EPHX2: variants seen among roughly 807,000 people sequenced by gnomAD.
The protein encoded by EPHX2 is bifunctional epoxide hydrolase 2.
EPHX2 carries 74 observed loss-of-function variants against 78.7 expected under a neutral mutation model. The observed-to-expected ratio is 0.94, with a 90% CI of 0.78 to 1.14. EPHX2 has a LOEUF of 1.14. EPHX2 is among the 50% of genes most tolerant of loss of function. The pLI is 0.00. For synonymous variants in EPHX2, 251 were observed against 255.2 expected (o/e 0.98, Z 0.16); for missense variants, 715 against 702.5 (o/e 1.02, Z -0.20).
intron 1 of EPHX2, among the ~76,000 whole-genome samples, chr8:27,500,659 A>C (rs548099978): frequency 6.6e-6 from 1 of 152,306 alleles, no homozygotes; most frequent in African/African-American, 2.4e-5. Context: ...TAAAGTAGGA[A>C]GCGCCTCTGG....
In EPHX2 at chr8:27,503,663, C is replaced by T. The variant is rs1261501646; in HGVS notation, c.246C>T (p.Leu82=). The part of the protein sequence containing the change: ...RKCSETAKVC[L]PKNFSIKEIF... The stretch of plus-strand genomic sequence containing the variant: ...GCTCCGAGACCGCTAAAGTCTGCCT[C>T]CCCAAGAATTTCTCCATAAAAGAAA... The change falls in exon 3 of 19, where the codon CTC becomes CTT. Residue 82 remains leucine, a synonymous_variant. Coordinates refer to ENST00000521400, the MANE Select transcript of EPHX2 (RefSeq NM_001979.6). The T allele has an allele frequency of 2.5e-6, 4 of 1,613,870 alleles. No individual in the cohort carries two copies. The highest frequency in any genetic ancestry group is 1.3e-5 in the African/African-American group (1 of 74,890).
At chr8:27,498,107 A>T (rs184836593) in intron 1 of EPHX2, among the ~76,000 whole-genome samples, 11 of 152,350 alleles carry the variant, frequency 7.2e-5, no homozygotes, top group Non-Finnish European at 1.5e-4. Flanking sequence ...CCTGTAGGAC[A>T]TCTATATACC....
chr8:27,520,897 C>T lies in EPHX2; in HGVS notation c.960C>T (p.Phe320=). 1 of 1,614,158 alleles carries T rather than the reference C, an allele frequency of 6.2e-7. No individual in the cohort carries two copies. The highest frequency in any genetic ancestry group is 1.3e-5 in the African/African-American group (1 of 75,028). ...TTCTTCCTTAGGAGATGGTAACCTT[C>T]CTGGATAAACTGGTAAGTCATTATT... ...MEVLCKEMVT[F]LDKLGLSQAV... The change falls in exon 10 of 19, where the codon TTC becomes TTT. Residue 320 remains phenylalanine, a synonymous_variant. Coordinates refer to ENST00000521400, the MANE Select transcript of EPHX2 (RefSeq NM_001979.6).
rs146337543 is a variant in EPHX2, at chr8:27,505,068, G to T, written c.459G>T (p.Ser153=). Residue 153 remains serine (S), a synonymous_variant, in exon 4 of 19, where the codon TCG becomes TCT. Coordinates refer to ENST00000521400, the MANE Select transcript of EPHX2 (RefSeq NM_001979.6). The part of the protein sequence containing the change: ...LKMHFDFLIE[S]CQVGMVKPEP... The stretch of plus-strand genomic sequence containing the variant: ...TGCACTTTGACTTCCTGATAGAGTC[G>T]TGTCAGGTGGGAATGGTCAAACCTG... 22 of 1,614,176 alleles carry T rather than the reference G, an allele frequency of 1.4e-5. No homozygotes were observed. The African/African-American group carries it at 2.8e-4, about 21-fold the overall frequency.
In EPHX2 at chr8:27,523,036, G is replaced by T. The variant is rs72475891; in HGVS notation, c.1058+528G>T. On this transcript the variant is annotated intron_variant, in intron 11 of 18. Transcript: ENST00000521400. Reference sequence around the variant, plus strand: ...GGAAGCGGCACCTGTTCCACTTACAGGCAATGGGACAAATAATTCAGGGCC... The same window carrying T: ...GGAAGCGGCACCTGTTCCACTTACATGCAATGGGACAAATAATTCAGGGCC... Among the ~76,000 whole-genome samples, 15 of 151,532 alleles carry T rather than the reference G, an allele frequency of 9.9e-5. No homozygotes were observed. The East Asian group carries it at 2.9e-3, about 29-fold the overall frequency.
chr8:27,524,112 TA>T (rs1408304981), intron 11 of EPHX2, among the ~76,000 whole-genome samples: 1 of 152,116 alleles, frequency 6.6e-6, no homozygotes. Flanking sequence ...TTTGTATTTT[TA>T]GTAGAGATGA....
rs919542858 is a variant in EPHX2 at position 27,500,956 on chromosome 8, G to T, written c.132G>T (p.Gly44=). ...RGLLNDAFQK[G]GPEGATTRLM... Reference sequence around the variant, plus strand: ...TTCTGAATGATGCTTTCCAGAAAGGGGGACCAGAGGGTGCCACTACCCGGC... The same window carrying T: ...TTCTGAATGATGCTTTCCAGAAAGGTGGACCAGAGGGTGCCACTACCCGGC... The change falls in exon 2 of 19, where the codon GGG becomes GGT. Residue 44 remains glycine, a synonymous_variant. Coordinates refer to ENST00000521400, the MANE Select transcript of EPHX2 (RefSeq NM_001979.6). The T allele has an allele frequency of 1.9e-6, 3 of 1,613,406 alleles. No individual in the cohort carries two copies. The highest frequency in any genetic ancestry group is 2.5e-6 in the Non-Finnish European group (3 of 1,179,702).
intron 3 of EPHX2, among the ~76,000 whole-genome samples, chr8:27,504,536 A>G (rs924429501): frequency 3.9e-5 from 6 of 152,212 alleles, no homozygotes; most frequent in African/African-American, 1.4e-4. Flanking sequence ...ATGGACTAGA[A>G]AGAATGCTGG....
intron 14 of EPHX2, chr8:27,539,362 A>G (rs1448677590): frequency 6.6e-6 from 1 of 152,202 alleles, no homozygotes; most frequent in Admixed American, 6.5e-5. Flanking sequence ...CCCTTTAGAT[A>G]AAATATTTGT....
intron 1 of EPHX2, 92 bp from the exon 2 acceptor site, chr8:27,500,834 G>A: frequency 8.5e-7 from 1 of 1,170,272 alleles, no homozygotes; most frequent in East Asian, 2.4e-5. Context: ...CTTTCTAGTG[G>A]CTGCTTCTCA....
chr8:27,506,344 T>C (rs1454697800), intron 4 of EPHX2, among the ~76,000 whole-genome samples: 1 of 152,326 alleles, frequency 6.6e-6, no homozygotes, highest in East Asian at 1.9e-4. Context: ...GGGTAAGATA[T>C]AAAGTAAGGA....
rs1349257460 is a variant in EPHX2 at position 27,544,828 on chromosome 8, A to G, written c.*306A>G. 1.7e-5 allele frequency: 6 copies of G among 362,616 alleles called. No individual in the cohort carries two copies. Among genetic ancestry groups the G allele is most frequent in the Non-Finnish European group, 3.0e-5 (6 of 200,512 alleles). 22.5% of individuals were successfully genotyped at this position (362,616 alleles called of 1,614,324 possible). On this transcript the variant is annotated 3_prime_UTR_variant, in exon 19 of 19. Coordinates refer to ENST00000521400, the MANE Select transcript of EPHX2 (RefSeq NM_001979.6). ...GCCAGGTGGTGATTTCTCTTTGACCAATGCATAGTTTGGCAGAAAAATCAG... is the reference window on the plus strand; with the variant it reads ...GCCAGGTGGTGATTTCTCTTTGACCGATGCATAGTTTGGCAGAAAAATCAG...
intron 1 of EPHX2, among the ~76,000 whole-genome samples, chr8:27,495,444 A>C (rs1239678927): frequency 6.6e-6 from 1 of 152,176 alleles, no homozygotes; most frequent in Non-Finnish European, 1.5e-5. Context: ...GGGGACTTCT[A>C]AGAGATCATC....
intron 5 of EPHX2, among the ~76,000 whole-genome samples, chr8:27,508,663 G>A (rs1814110802): frequency 6.6e-6 from 1 of 152,198 alleles, no homozygotes; most frequent in African/African-American, 2.4e-5. Flanking sequence ...GGGGTAGGAG[G>A]AAGAGGAAGA....
chr8:27,515,637 T>G (rs1814418683), intron 6 of EPHX2, 81 bp from the exon 7 acceptor site: 2 of 1,177,920 alleles, frequency 1.7e-6, no homozygotes, highest in Admixed American at 3.8e-5. Context: ...GAAACGGCCC[T>G]GGCATTCTGC....
At chr8:27,512,642 C>A (rs369670955) in intron 6 of EPHX2, among the ~76,000 whole-genome samples, 1 of 152,146 alleles carries the variant, frequency 6.6e-6, no homozygotes, top group East Asian at 1.9e-4. Flanking sequence ...GGGATCTTTC[C>A]TCATTTGTCA....
chr8:27,538,827 C>T lies in EPHX2; in HGVS notation c.1276+135C>T, dbSNP rs72477578. 3.9e-3 allele frequency: 3,617 copies of T among 937,134 alleles called. 77 individuals are homozygous for T. In the African/African-American group the frequency reaches 0.052, roughly 13 times the overall value. 58.1% of individuals were successfully genotyped at this position (937,134 alleles called of 1,614,324 possible). On this transcript the variant is annotated intron_variant, in intron 14 of 18. Coordinates refer to ENST00000521400, the MANE Select transcript of EPHX2 (RefSeq NM_001979.6). ...TTAAGTTGCCCAACCAGGGTCCCCT[C>T]GGCATGCATAGGGCTGACTCTAACC... is the stretch of plus-strand genomic sequence containing the variant.
intron 12 of EPHX2, among the ~76,000 whole-genome samples, chr8:27,534,375 G>T (rs1585218752): frequency 6.6e-6 from 1 of 152,222 alleles, no homozygotes; most frequent in South Asian, 2.1e-4. Flanking sequence ...GTCTCACTGG[G>T]CATGGTGGCT....
chr8:27,520,301 G>T (rs2132754756), intron 9 of EPHX2, among the ~76,000 whole-genome samples: 1 of 151,702 alleles, frequency 6.6e-6, no homozygotes, highest in Admixed American at 6.6e-5. Context: ...GAGTAGCTGG[G>T]ATTACAGGCG....
Sources: allele counts gnomAD v4.1 joint callset (sites outside exome capture counted in the v4.1 genomes callset), GRCh38; gene constraint gnomAD v4.1.1; transcripts MANE v1.5; gene names NCBI Gene and HGNC (gene_info 2026-07-23, HGNC 2026-07-21).